The following KLK2 variants were observed in gnomAD, a reference collection of about 807,000 sequenced individuals.
KLK2 encodes the protein kallikrein related peptidase 2.
In KLK2, 17 loss-of-function variants were observed where a neutral mutation model predicts 23.0. That is an observed-to-expected ratio of 0.74 (90% CI 0.51 to 1.11). The LOEUF (loss-of-function observed/expected upper bound fraction) is 1.11, where lower values mean the gene tolerates loss of function less well. Ranked by LOEUF, KLK2 falls within the 50% of genes least tolerant of loss-of-function variation. The pLI, the probability that KLK2 is intolerant of heterozygous loss-of-function variation, is 0.00. For missense variants in KLK2, 330 were observed against 325.9 expected (o/e 1.01, Z -0.10); for synonymous variants, 140 against 124.7 (o/e 1.12, Z -0.82).
intron 1 of KLK2, chr19:50,874,266 T>C (rs2090260335): frequency 6.4e-6 from 1 of 156,524 alleles, no homozygotes. Flanking sequence ...AACTGTTTGC[T>C]TAACCTTGGA....
chr19:50,876,509 G>A lies in KLK2; in HGVS notation c.244G>A (p.Glu82Lys). ...QVWLGRHNLFEPEDTGQRVPV... is the reference protein window; with the variant it reads ...QVWLGRHNLFKPEDTGQRVPV... Reference sequence around the variant, plus strand: ...CTGGCTGGGTCGGCACAACCTGTTTGAGCCTGAAGACACAGGCCAGAGGGT... The same window carrying A: ...CTGGCTGGGTCGGCACAACCTGTTTAAGCCTGAAGACACAGGCCAGAGGGT... Residue 82 changes from glutamate to lysine, a missense_variant, in exon 3 of 5, where the codon GAG becomes AAG. By Grantham distance (56) the Glu-to-Lys change is moderately conservative. Coordinates refer to ENST00000325321, the MANE Select transcript of KLK2 (RefSeq NM_005551.5). 1 of 1,614,068 alleles carries A rather than the reference G, an allele frequency of 6.2e-7. No homozygotes were observed. Among genetic ancestry groups the A allele is most frequent in the South Asian group, 1.1e-5 (1 of 91,076 alleles).
intron 4 of KLK2, chr19:50,877,470 G>T: frequency 5.3e-6 from 1 of 187,226 alleles, no homozygotes; most frequent in South Asian, 1.2e-4. Context: ...GTAGGAGTGA[G>T]CAAACACCCG....
intron 2 of KLK2, chr19:50,876,210 C>T (rs1448488002): frequency 1.9e-6 from 1 of 538,136 alleles, no homozygotes; most frequent in Non-Finnish European, 3.3e-6. Context: ...ACTGTTCTCC[C>T]TTCTGTTTTT....
At chr19:50,874,431 A>T (rs1029548658) in intron 1 of KLK2, 14 of 272,328 alleles carry the variant, frequency 5.1e-5, no homozygotes, top group Non-Finnish European at 8.2e-5. Context: ...ACTCCAAATG[A>T]CCCAACCCCC....
In KLK2 at chr19:50,878,258, G is replaced by T. The variant is rs529697648; in HGVS notation, c.631-146G>T. On this transcript the variant is annotated intron_variant, in intron 4 of 4. Transcript: ENST00000325321. Reference sequence around the variant, plus strand: ...GGACTCCCTGCCCATATTCTTGTGGGAGTGGGTTCTGGAGACATTTCTGTC... The same window carrying T: ...GGACTCCCTGCCCATATTCTTGTGGTAGTGGGTTCTGGAGACATTTCTGTC... 1.2e-5 allele frequency: 9 copies of T among 747,298 alleles called. No individual in the cohort carries two copies. In the South Asian group the frequency reaches 1.2e-4, roughly 10 times the overall value. The allele number at this position is 747,298 out of a possible 1,614,324, so 46.3% of individuals were successfully genotyped here.
rs755259370 is a variant in KLK2 at position 50,876,430 on chromosome 19, C to T, written c.207-42C>T. 6 of 1,595,258 alleles carry T rather than the reference C, an allele frequency of 3.8e-6. No individual in the cohort carries two copies. In the Admixed American group the frequency reaches 1.0e-4, roughly 27 times the overall value. ...CCTCCCCTGCCCCATCTACCTTTCC[C>T]CATTTTCTCTCTCCTCATGCATCCA... On this transcript the variant is annotated intron_variant, in intron 2 of 4. Transcript: ENST00000325321.
intron 4 of KLK2, among the ~76,000 whole-genome samples, chr19:50,878,113 G>C (rs59352575): frequency 0.015 from 2,219 of 152,264 alleles, 54 homozygotes; most frequent in African/African-American, 0.05. Flanking sequence ...AGATGGTCCC[G>C]GCCCTCATCC....
rs767113694 is a variant in KLK2 at position 50,876,713 on chromosome 19, A to G, written c.448A>G (p.Thr150Ala). ...GLPTQEPALGTTCYASGWGSI... is the reference protein window; with the variant it reads ...GLPTQEPALGATCYASGWGSI... ...GCCCACCCAGGAGCCAGCACTGGGG[A>G]CCACCTGCTACGCCTCAGGCTGGGG... The change falls in exon 3 of 5, where the codon ACC (threonine) becomes GCC (alanine). Residue 150 changes from threonine (T) to alanine (A), a missense_variant. Physicochemically the swap from Thr to Ala is moderately conservative, Grantham distance 58. Transcript: ENST00000325321. The G allele has an allele frequency of 1.2e-6, 2 of 1,614,122 alleles. No individual in the cohort carries two copies. The highest frequency in any genetic ancestry group is 1.1e-5 in the South Asian group (1 of 91,086).
In KLK2 at chr19:50,879,912, C is replaced by A. The variant is rs541164669; in HGVS notation, c.*1353C>A. ...GAGCAGTGCAGGGCTGCTGAGTCAA[C>A]CTTTTATTGTACAGGGGATGAGGGA... On this transcript the variant is annotated 3_prime_UTR_variant, in exon 5 of 5. Transcript: ENST00000325321. 4.9e-4 allele frequency: 112 copies of A among 229,792 alleles called. No individual in the cohort carries two copies. Among genetic ancestry groups the A allele is most frequent in the African/African-American group, 2.2e-3 (101 of 45,230 alleles). The allele number at this position is 229,792 out of a possible 1,614,324, so 14.2% of individuals were successfully genotyped here.
Position 50,880,070 on chromosome 19 carries a change from T to A in KLK2, c.*1511T>A. The A allele has an allele frequency of 4.4e-6, 1 of 229,422 alleles. No homozygotes were observed. The allele number at this position is 229,422 out of a possible 1,614,324, so 14.2% of individuals were successfully genotyped here. A position where few individuals can be genotyped will look rare whatever the true frequency, so the allele number is the denominator to read the frequency against. ...GGAATGATACTGAGCCCAAAGAGCA[T>A]TCAATCATTGTTTTATTTGCCTTCT... On this transcript the variant is annotated 3_prime_UTR_variant, in exon 5 of 5. Coordinates refer to ENST00000325321, the MANE Select transcript of KLK2 (RefSeq NM_005551.5).
At chr19:50,877,095 T>C (rs2090297342) in intron 4 of KLK2, 87 bp downstream of exon 4, 1 of 1,577,186 alleles carries the variant, frequency 6.3e-7, no homozygotes, top group African/African-American at 1.3e-5. Flanking sequence ...TAACCAGACA[T>C]CTGCCTCCCC....
chr19:50,880,356 A>C lies in KLK2; in HGVS notation c.*1797A>C. 9.0e-6 allele frequency: 2 copies of C among 223,218 alleles called. No individual in the cohort carries two copies. The highest frequency in any genetic ancestry group is 1.8e-5 in the Non-Finnish European group (2 of 111,632). The allele number at this position is 223,218 out of a possible 1,614,324, so 13.8% of individuals were successfully genotyped here. A position where few individuals can be genotyped will look rare whatever the true frequency, so the allele number is the denominator to read the frequency against. ...ACTCTGATTTCCGTGGGGGAATGTCATGGTCTTGCTTTACTAAGTTTTGAG... is the reference window on the plus strand; with the variant it reads ...ACTCTGATTTCCGTGGGGGAATGTCCTGGTCTTGCTTTACTAAGTTTTGAG... On this transcript the variant is annotated 3_prime_UTR_variant, in exon 5 of 5. Coordinates refer to ENST00000325321, the MANE Select transcript of KLK2 (RefSeq NM_005551.5).
Position 50,876,859 on chromosome 19 carries a change from C to T in KLK2, c.494-13C>T. The T allele has an allele frequency of 1.2e-6, 2 of 1,613,028 alleles. No individual in the cohort carries two copies. The highest frequency in any genetic ancestry group is 1.7e-6 in the Non-Finnish European group (2 of 1,179,330). The stretch of plus-strand genomic sequence containing the variant: ...GGGGTCCGGCCACAGCCCAGTTTTT[C>T]TCTGACCCATAGTCTTGCGCCCCAG... On this transcript the variant is annotated splice_polypyrimidine_tract_variant and intron_variant, in intron 3 of 4. Transcript: ENST00000325321.
Position 50,879,517 on chromosome 19 carries a change from GC to G in KLK2, c.*959del, listed in dbSNP as rs1376627589. 4 of 230,924 alleles carry G rather than the reference GC, an allele frequency of 1.7e-5. No homozygotes were observed. The highest frequency in any genetic ancestry group is 8.9e-5 in the African/African-American group (4 of 45,180). The allele number at this position is 230,924 out of a possible 1,614,324, so 14.3% of individuals were successfully genotyped here. A position where few individuals can be genotyped will look rare whatever the true frequency, so the allele number is the denominator to read the frequency against. ...CTCTCCAAGTGGAGACTTACGGACA[GC>G]ATATAATTCTCCCTGCAAGGATGTA... On this transcript the variant is annotated 3_prime_UTR_variant, in exon 5 of 5. Coordinates refer to ENST00000325321, the MANE Select transcript of KLK2 (RefSeq NM_005551.5).
At position 50,880,339 on chromosome 19, in the gene KLK2, T is replaced by A. The variant is rs1469529472; in HGVS notation, c.*1780T>A. ...ACAAGACGGTGGGGCAAACTCTGAT[T>A]TCCGTGGGGGAATGTCATGGTCTTG... On this transcript the variant is annotated 3_prime_UTR_variant, in exon 5 of 5. Transcript: ENST00000325321. 11 of 225,458 alleles carry A rather than the reference T, an allele frequency of 4.9e-5. No homozygotes were observed. In the East Asian group the frequency reaches 7.0e-4, roughly 14 times the overall value. The allele number at this position is 225,458 out of a possible 1,614,324, so 14.0% of individuals were successfully genotyped here.
At chr19:50,878,360 T>C in intron 4 of KLK2, 44 bp from the exon 5 acceptor site, 1 of 1,576,022 alleles carries the variant, frequency 6.3e-7, no homozygotes, top group Non-Finnish European at 8.7e-7. Context: ...AGGCAGTTAT[T>C]GGGGCCAATC....
chr19:50,874,921 C>A, intron 2 of KLK2, 41 bp downstream of exon 2: 1 of 1,599,470 alleles, frequency 6.3e-7, no homozygotes, highest in Non-Finnish European at 8.5e-7. Context: ...ATGGCTGTGT[C>A]CCACAGGAAT....
chr19:50,874,371 C>A (rs2090261109), intron 1 of KLK2: 2 of 191,458 alleles, frequency 1.0e-5, no homozygotes, highest in African/African-American at 2.3e-5. Context: ...TCTCTTAGAA[C>A]CCACAGCTGC....
chr19:50,874,652 ACAGCT>A, intron 1 of KLK2, 64 bp from the exon 2 acceptor site: 1 of 1,442,234 alleles, frequency 6.9e-7, no homozygotes, highest in Non-Finnish European at 9.4e-7. Context: ...CTTCAAACCC[ACAGCT>A]CAGCTCCCTC....
Sources: allele counts gnomAD v4.1 joint callset (sites outside exome capture counted in the v4.1 genomes callset), GRCh38; gene constraint gnomAD v4.1.1; transcripts MANE v1.5; gene names NCBI Gene and HGNC (gene_info 2026-07-23, HGNC 2026-07-21).